Variants in OTUD7A observed in about 807,000 individuals in gnomAD.
OTUD7A encodes the protein OTU deubiquitinase 7A.
A neutral mutation model predicts 65.7 loss-of-function variants in OTUD7A; 12 were observed. That is an observed-to-expected ratio of 0.18 (90% CI 0.12 to 0.30). The LOEUF (loss-of-function observed/expected upper bound fraction) is 0.30. Ranked by LOEUF, OTUD7A falls within the 10% of genes least tolerant of loss-of-function variation. OTUD7A has a pLI of 1.00. For missense variants in OTUD7A, 1,148 were observed against 1,304.8 expected (o/e 0.88, Z 1.85); for synonymous variants, 641 against 586.3 (o/e 1.09, Z -1.35).
intron 1 of OTUD7A, among the ~76,000 whole-genome samples, chr15:31,809,967 G>C (rs777779277): frequency 5.3e-5 from 8 of 152,224 alleles, no homozygotes; most frequent in Non-Finnish European, 1.0e-4. Flanking sequence ...TACCAGGTGA[G>C]TGTGTCTTCC....
intron 5 of OTUD7A, among the ~76,000 whole-genome samples, chr15:31,549,117 C>CA (rs1888232622): frequency 7.6e-6 from 1 of 131,648 alleles, no homozygotes; most frequent in Non-Finnish European, 1.5e-5. Context: ...GCCTGGGAGA[C>CA]AGAGCGAGGC....
At chr15:31,813,479 C>G (rs1231107132) in intron 1 of OTUD7A, among the ~76,000 whole-genome samples, 2 of 152,322 alleles carry the variant, frequency 1.3e-5, no homozygotes, top group Admixed American at 1.3e-4. Flanking sequence ...TCGTGTCTTA[C>G]CCTCCCCATA....
chr15:31,834,991 C>A (rs1897020245), intron 1 of OTUD7A, among the ~76,000 whole-genome samples: 1 of 152,190 alleles, frequency 6.6e-6, no homozygotes, highest in African/African-American at 2.4e-5. Flanking sequence ...GGGTGTAACA[C>A]CCCATCCCCC....
chr15:31,510,171 C>T lies in OTUD7A; in HGVS notation c.894-6353G>A, dbSNP rs1306714728. Among the ~76,000 whole-genome samples, 6 of 152,006 alleles carry T rather than the reference C, an allele frequency of 3.9e-5. No homozygotes were observed. In the East Asian group the frequency reaches 5.8e-4, roughly 15 times the overall value. ...TTTGCATGGCTGTAGTCTTGGCCCC[C>T]GGCCGGCTGCAGTCCTGGCCCAGGG... On this transcript the variant is annotated intron_variant, in intron 8 of 12. Transcript: ENST00000307050.
chr15:31,670,029 T>A (rs1488500787), intron 1 of OTUD7A, among the ~76,000 whole-genome samples: 2 of 144,588 alleles, frequency 1.4e-5, no homozygotes, highest in African/African-American at 5.6e-5. Context: ...GCAGTCTGCT[T>A]CCTTCAGAGG....
chr15:31,747,097 C>T (rs2141379410), intron 1 of OTUD7A, among the ~76,000 whole-genome samples: 1 of 152,062 alleles, frequency 6.6e-6, no homozygotes, highest in Non-Finnish European at 1.5e-5. Flanking sequence ...ATTCTGATAC[C>T]ACTTTCTGTG....
intron 3 of OTUD7A, among the ~76,000 whole-genome samples, chr15:31,587,057 C>T (rs12901569): frequency 0.061 from 9,323 of 152,144 alleles, 665 homozygotes; most frequent in African/African-American, 0.17. Flanking sequence ...CACCTCTGCT[C>T]GGCTATCTAA....
intron 1 of OTUD7A, among the ~76,000 whole-genome samples, chr15:31,843,229 G>C (rs1897225855): frequency 2.0e-5 from 3 of 151,770 alleles, no homozygotes; most frequent in Admixed American, 1.3e-4. Flanking sequence ...CCAACTTCTG[G>C]GGGAATTTCT....
intron 1 of OTUD7A, among the ~76,000 whole-genome samples, chr15:31,748,715 T>A (rs1025523617): frequency 6.6e-6 from 1 of 152,156 alleles, no homozygotes; most frequent in Admixed American, 6.5e-5. Flanking sequence ...AGCAATTTCA[T>A]TCCTAGGTAT....
rs1326726043 is a variant in OTUD7A, at chr15:31,725,480, G to A, written c.-99-68403C>T. 2.6e-5 allele frequency among the ~76,000 whole-genome samples: 4 copies of A among 152,192 alleles called. No individual in the cohort carries two copies. In the East Asian group the frequency reaches 7.7e-4, roughly 29 times the overall value. On this transcript the variant is annotated intron_variant, in intron 1 of 12. Transcript: ENST00000307050. ...AGAGACCACTGGGCATCACGCAGAAGCCCGTGACTTTGAGGCTGATGAGAC... is the reference window on the plus strand; with the variant it reads ...AGAGACCACTGGGCATCACGCAGAAACCCGTGACTTTGAGGCTGATGAGAC...
At chr15:31,527,380 A>C in intron 6 of OTUD7A, 72 bp from the exon 7 acceptor site, 1 of 1,551,514 alleles carries the variant, frequency 6.4e-7, no homozygotes, top group East Asian at 2.3e-5. Flanking sequence ...GGTGATGCAA[A>C]CTACCACGAC....
chr15:31,631,450 T>A (rs1468930285), intron 3 of OTUD7A, among the ~76,000 whole-genome samples: 6 of 152,222 alleles, frequency 3.9e-5, no homozygotes, highest in African/African-American at 7.2e-5. Context: ...GTTTCTGCCG[T>A]GAGATCAGCT....
At chr15:31,821,493 G>T (rs1305702752) in intron 1 of OTUD7A, among the ~76,000 whole-genome samples, 1 of 151,762 alleles carries the variant, frequency 6.6e-6, no homozygotes. Context: ...TATACAATAT[G>T]CCATTGTATA....
At position 31,481,818 on chromosome 15, in the gene OTUD7A, G is replaced by A. The variant is rs909944434; in HGVS notation, c.*1476C>T. 1 of 152,310 alleles carries A rather than the reference G, an allele frequency of 6.6e-6. No individual in the cohort carries two copies. Among genetic ancestry groups the A allele is most frequent in the Non-Finnish European group, 1.5e-5 (1 of 68,032 alleles). The allele number at this position is 152,310 out of a possible 1,614,324, so 9.4% of individuals were successfully genotyped here. ...GTTTCTAGAGGAGAAGCTGGCTCCA[G>A]TGAAGAGATGGTCGACCTCCTGCTT... On this transcript the variant is annotated 3_prime_UTR_variant, in exon 13 of 13. Transcript: ENST00000307050.
intron 1 of OTUD7A, among the ~76,000 whole-genome samples, chr15:31,740,301 G>A (rs1380967754): frequency 2.0e-5 from 3 of 152,150 alleles, no homozygotes; most frequent in Non-Finnish European, 4.4e-5. Context: ...GTTGCCGGAA[G>A]CCCCAGGAGA....
intron 1 of OTUD7A, among the ~76,000 whole-genome samples, chr15:31,827,860 G>C (rs374654685): frequency 6.8e-6 from 1 of 147,042 alleles, no homozygotes; most frequent in Non-Finnish European, 1.5e-5. Flanking sequence ...TTGGAGGGGC[G>C]GGGGTTAGAG....
intron 3 of OTUD7A, among the ~76,000 whole-genome samples, chr15:31,579,768 G>GT: frequency 6.6e-6 from 1 of 152,298 alleles, no homozygotes; most frequent in South Asian, 2.1e-4. Context: ...CTAATCCACA[G>GT]TTTCAATACA....
intron 1 of OTUD7A, among the ~76,000 whole-genome samples, chr15:31,786,310 A>G (rs910620174): frequency 6.6e-6 from 1 of 152,242 alleles, no homozygotes; most frequent in African/African-American, 2.4e-5. Context: ...ATTAGCTACT[A>G]TTATTATTTA....
At chr15:31,620,452 A>T (rs1251352790) in intron 3 of OTUD7A, among the ~76,000 whole-genome samples, 1 of 151,756 alleles carries the variant, frequency 6.6e-6, no homozygotes, top group Admixed American at 6.6e-5. Flanking sequence ...AGAGACTGTT[A>T]TTGGTCTATT....
Sources: allele counts gnomAD v4.1 joint callset (sites outside exome capture counted in the v4.1 genomes callset), GRCh38; gene constraint gnomAD v4.1.1; transcripts MANE v1.5; gene names NCBI Gene and HGNC (gene_info 2026-07-23, HGNC 2026-07-21).